Variants in PIF1 observed in about 807,000 individuals in gnomAD.
The protein encoded by PIF1 is PIF1 5'-to-3' DNA helicase, also known as ATP-dependent DNA helicase PIF1.
In PIF1, 67 loss-of-function variants were observed where a neutral mutation model predicts 62.3. The ratio of observed to expected loss-of-function variants is 1.08; its 90% CI spans 0.88 to 1.32. PIF1 has a LOEUF of 1.32. Ranked by LOEUF, PIF1 falls within the 40% of genes most tolerant of loss-of-function variation. PIF1 has a pLI of 0.00. For synonymous variants in PIF1, 364 were observed against 379.5 expected (o/e 0.96, Z 0.47); for missense variants, 886 against 866.1 (o/e 1.02, Z -0.29).
chr15:64,819,400 TC>T (rs989715189), intron 8 of PIF1, among the ~76,000 whole-genome samples, 177 bp from the exon 9 acceptor site: 2 of 152,156 alleles, frequency 1.3e-5, no homozygotes, highest in African/African-American at 4.8e-5. Flanking sequence ...AACCTCTGCC[TC>T]CTGGGTTCAA....
chr15:64,823,004 CTG>C (rs2084312715), intron 2 of PIF1, among the ~76,000 whole-genome samples: 1 of 152,130 alleles, frequency 6.6e-6, no homozygotes, highest in African/African-American at 2.4e-5. Flanking sequence ...CCTTCTTATC[CTG>C]TCTCTGTCCT....
intron 2 of PIF1, 84 bp from the exon 3 acceptor site, chr15:64,822,694 G>C: frequency 6.3e-7 from 1 of 1,575,292 alleles, no homozygotes. Context: ...GCAATGCTGG[G>C]CCTGGTAACC....
rs370001072 is a variant in PIF1 at position 64,816,334 on chromosome 15, T to C, written c.1890A>G (p.Ala630=). Residue 630 remains alanine (A), a synonymous_variant, in exon 13 of 13, where the codon GCA becomes GCG. Coordinates refer to ENST00000559239, the MANE Select transcript of PIF1 (RefSeq NM_001286496.2). The part of the protein sequence containing the change: ...LSLESPDDDE[A]ASDQENMDPI... ...GGTCCATGTTCTCCTGGTCTGAGGCTGCCTCATCATCATCTGGGGACTCCT... is the reference window on the plus strand; with the variant it reads ...GGTCCATGTTCTCCTGGTCTGAGGCCGCCTCATCATCATCTGGGGACTCCT... 1 of 1,613,994 alleles carries C rather than the reference T, an allele frequency of 6.2e-7. No homozygotes were observed. Among genetic ancestry groups the C allele is most frequent in the African/African-American group, 1.3e-5 (1 of 74,906 alleles).
At chr15:64,819,271 AC>A in intron 8 of PIF1, 48 bp from the exon 9 acceptor site, 6 of 1,277,316 alleles carry the variant, frequency 4.7e-6, no homozygotes, top group Non-Finnish European at 6.6e-6. Context: ...CTGACTTGTG[AC>A]TCAGCATCCC....
At position 64,821,169 on chromosome 15, in the gene PIF1, G is replaced by A. The variant is rs751647050; in HGVS notation, c.1084C>T (p.Gln362Ter). The A allele has an allele frequency of 2.2e-5, 35 of 1,614,022 alleles. No homozygotes were observed. The highest frequency in any genetic ancestry group is 1.2e-4 in the Admixed American group (7 of 60,002). Residue 362 changes from glutamine to a stop codon, truncating the protein, a stop_gained and splice_region_variant, in exon 6 of 13, where the codon CAG becomes TAG. Coordinates refer to ENST00000559239, the MANE Select transcript of PIF1 (RefSeq NM_001286496.2). LOFTEE classifies it high-confidence loss of function. ...CAGAGCTAGGAGGTGAGTAATACCT[G>A]GAAGCAGAACCGTGGGGGCTGGGAG... ...KGSQPPRFCF[Q>*]SKSWKRCVPV...
At chr15:64,821,678 C>G in intron 4 of PIF1, 158 bp from the exon 5 acceptor site, 1 of 740,292 alleles carries the variant, frequency 1.4e-6, no homozygotes, top group Non-Finnish European at 2.1e-6. Context: ...CTCAAGCGAT[C>G]CTCCCACCTC....
rs756998984 is a variant in PIF1, at chr15:64,824,213, C to T, written c.123G>A (p.Ala41=). The change falls in exon 2 of 13, where the codon GCG becomes GCA. Residue 41 remains alanine, a synonymous_variant. Coordinates refer to ENST00000559239, the MANE Select transcript of PIF1 (RefSeq NM_001286496.2). ...GCTCGTTGCGACCCAGGCTCAGCTC[C>T]GCGGTGCGCAGGGCCTGGCGCCTTC... ...QPRRRQALRT[A]ELSLGRNERR... The T allele has an allele frequency of 1.5e-5, 20 of 1,352,584 alleles. No individual in the cohort carries two copies. In the African/African-American group the frequency reaches 1.7e-4, roughly 11 times the overall value. The allele number at this position is 1,352,584 out of a possible 1,614,324, so 83.8% of individuals were successfully genotyped here.
At chr15:64,824,789 C>T (rs2084343510) in intron 1 of PIF1, among the ~76,000 whole-genome samples, 2 of 146,384 alleles carry the variant, frequency 1.4e-5, no homozygotes, top group Admixed American at 7.0e-5. Context: ...CGAGACCATC[C>T]TGGGCAACAT....
In PIF1 at chr15:64,821,983, G is replaced by A. The variant is rs563253648; in HGVS notation, c.817+283C>T. 1.6e-4 allele frequency: 64 copies of A among 394,528 alleles called. No homozygotes were observed. In the East Asian group the frequency reaches 3.3e-3, roughly 20 times the overall value. 24.4% of individuals were successfully genotyped at this position (394,528 alleles called of 1,614,324 possible). ...TCTTGATCTCCTGACCTTGTGATCC[G>A]CCTGCCTCGGCCTCCCAAAGTGCTG... is the stretch of plus-strand genomic sequence containing the variant. On this transcript the variant is annotated intron_variant, in intron 4 of 12. Coordinates refer to ENST00000559239, the MANE Select transcript of PIF1 (RefSeq NM_001286496.2).
In PIF1 at chr15:64,823,799, C is replaced by T. The variant is rs754271431; in HGVS notation, c.537G>A (p.Gln179=). 9.7e-6 allele frequency: 13 copies of T among 1,343,756 alleles called. No individual in the cohort carries two copies. In the South Asian group the frequency reaches 2.8e-4, roughly 29 times the overall value. 83.2% of individuals were successfully genotyped at this position (1,343,756 alleles called of 1,614,324 possible). A position where few individuals can be genotyped will look rare whatever the true frequency, so the allele number is the denominator to read the frequency against. The change falls in exon 2 of 13, where the codon CAG becomes CAA. Residue 179 remains glutamine (Q), a synonymous_variant. Transcript: ENST00000559239. Reference sequence around the variant, plus strand: ...TCACTGTGCTAGGCTCGGCCCCAGCCTGGGGCTCCACAGGCCGCTTCACCA... The same window carrying T: ...TCACTGTGCTAGGCTCGGCCCCAGCTTGGGGCTCCACAGGCCGCTTCACCA... ...TTLVKRPVEP[Q]AGAEPSTEAP...
intron 11 of PIF1, 21 bp from the exon 12 acceptor site, chr15:64,816,786 G>C: frequency 6.4e-7 from 1 of 1,561,904 alleles, no homozygotes; most frequent in Non-Finnish European, 8.7e-7. Context: ...CAGGGACAGA[G>C]ATGGAGTCAG....
intron 9 of PIF1, chr15:64,818,897 C>T: frequency 2.2e-6 from 1 of 445,594 alleles, no homozygotes; most frequent in Non-Finnish European, 3.9e-6. Context: ...AGAAATTTGC[C>T]CAAAACAACA....
intron 3 of PIF1, 43 bp from the exon 4 acceptor site, chr15:64,822,434 C>T: frequency 6.2e-7 from 1 of 1,614,042 alleles, no homozygotes. Flanking sequence ...GTTCCTCTAT[C>T]CCACCCCACC....
rs146745394 is a variant in PIF1 at position 64,822,579 on chromosome 15, C to T, written c.590G>A (p.Arg197Lys). The T allele has an allele frequency of 1.1e-5, 18 of 1,614,030 alleles. No homozygotes were observed. The African/African-American group carries it at 1.7e-4, about 16-fold the overall frequency. Reference protein sequence around the residue: ...EAPRWPLPVKRLSLPSTKPQL... With the variant: ...EAPRWPLPVKKLSLPSTKPQL... ...TGGCTTGGTGGAGGGCAAGCTCAGC[C>T]TCTTCACAGGCAGGGGCCACCTTGG... is the stretch of plus-strand genomic sequence containing the variant. Residue 197 changes from arginine to lysine, a missense_variant, in exon 3 of 13, where the codon AGG (arginine) becomes AAG (lysine). Transcript: ENST00000559239.
chr15:64,824,610 C>G (rs1397286716), intron 1 of PIF1, among the ~76,000 whole-genome samples: 1 of 151,734 alleles, frequency 6.6e-6, no homozygotes, highest in Non-Finnish European at 1.5e-5. Flanking sequence ...CTTTGGGAGG[C>G]TAAAGTGGGC....
At position 64,823,939 on chromosome 15, in the gene PIF1, C is replaced by T; in HGVS notation, c.397G>A (p.Ala133Thr). ...KLAAAPGPGP[A>T]SARAQLLGPR... is the part of the protein sequence containing the mutation. ...CCCAGCAGCTGCGCTCGGGCGGAGG[C>T]CGGCCCGGGACCCGGGGCCGCAGCC... Residue 133 changes from alanine (A) to threonine (T), a missense_variant, in exon 2 of 13, where the codon GCC becomes ACC. Transcript: ENST00000559239. The T allele has an allele frequency of 1.5e-6, 2 of 1,313,840 alleles. No individual in the cohort carries two copies. Among genetic ancestry groups the T allele is most frequent in the Non-Finnish European group, 1.9e-6 (2 of 1,027,082 alleles). 81.4% of individuals were successfully genotyped at this position (1,313,840 alleles called of 1,614,324 possible).
chr15:64,826,710 A>G (rs1213603198), upstream of PIF1, among the ~76,000 whole-genome samples: 1 of 139,072 alleles, frequency 7.2e-6, no homozygotes, highest in African/African-American at 2.7e-5. Flanking sequence ...ATACACACAC[A>G]TATATATATA....
At position 64,816,537 on chromosome 15, in the gene PIF1, C is replaced by T. The variant is rs183913107; in HGVS notation, c.1866+37G>A. ...CCTCTGTCCTAGCTCCCACCCTGCCCGTGGCCACAGCCCACCACTGGATGA... is the reference window on the plus strand; with the variant it reads ...CCTCTGTCCTAGCTCCCACCCTGCCTGTGGCCACAGCCCACCACTGGATGA... On this transcript the variant is annotated intron_variant, in intron 12 of 12. Transcript: ENST00000559239. The T allele has an allele frequency of 7.2e-4, 1,157 of 1,606,976 alleles. 9 individuals carry two copies. In the African/African-American group the frequency reaches 0.013, roughly 19 times the overall value.
At chr15:64,817,734 C>T (rs574467476) in intron 11 of PIF1, among the ~76,000 whole-genome samples, 40 of 151,778 alleles carry the variant, frequency 2.6e-4, no homozygotes, top group Non-Finnish European at 4.4e-4. Flanking sequence ...TGGTGGCATG[C>T]GCCTGTAGTC....
Sources: allele counts gnomAD v4.1 joint callset (sites outside exome capture counted in the v4.1 genomes callset), GRCh38; gene constraint gnomAD v4.1.1; transcripts MANE v1.5; gene names NCBI Gene and HGNC (gene_info 2026-07-23, HGNC 2026-07-21).